The following UBE2D3 variants were observed in gnomAD, a reference collection of about 807,000 sequenced individuals.
UBE2D3 encodes the protein ubiquitin conjugating enzyme E2 D3, also known as ubiquitin-conjugating enzyme E2 D3.
UBE2D3 carries 2 observed loss-of-function variants against 22.8 expected under a neutral mutation model. The observed-to-expected ratio is 0.09, with a 90% CI of 0.04 to 0.28. UBE2D3 has a LOEUF of 0.28. Among genes scored for constraint, UBE2D3 ranks in the 10% least tolerant of loss-of-function variants. The probability of loss-of-function intolerance (pLI) is 1.00; values close to 1 mark genes in which losing one functional copy is unlikely to be tolerated. For missense variants in UBE2D3, 27 were observed against 182.5 expected (o/e 0.15, Z 4.91); for synonymous variants, 56 against 60.4 (o/e 0.93, Z 0.34).
intron 1 of UBE2D3, among the ~76,000 whole-genome samples, chr4:102,861,931 A>T (rs911042345): frequency 6.6e-6 from 1 of 151,862 alleles, no homozygotes; most frequent in African/African-American, 2.4e-5. Flanking sequence ...TTTATTATGG[A>T]TTGACTGACA....
At chr4:102,843,723 T>C (rs1328329226) in intron 1 of UBE2D3, 2 of 152,218 alleles carry the variant, frequency 1.3e-5, no homozygotes, top group Non-Finnish European at 2.9e-5. Flanking sequence ...CTAGCATGCA[T>C]ATGTCGTACC....
At chr4:102,821,060 C>T (rs192935902) in intron 2 of UBE2D3, among the ~76,000 whole-genome samples, 152 of 152,200 alleles carry the variant, frequency 1.0e-3, no homozygotes, top group African/African-American at 3.6e-3. Flanking sequence ...GGATACAATT[C>T]TGAATAAATC....
chr4:102,797,445 A>G lies in UBE2D3; in HGVS notation c.414T>C (p.Ser138=), dbSNP rs201579344. ...TGGCATACTTCTGAGTCCATTCCCG[A>G]GATATTCTGTTGTACCTGTAAATAA... ...KTDRDKYNRI[S]REWTQKYAM Residue 138 remains serine, a synonymous_variant, in exon 8 of 8, where the codon TCT becomes TCC. Transcript: ENST00000453744. The G allele has an allele frequency of 1.9e-6, 3 of 1,608,224 alleles. No individual in the cohort carries two copies. In the African/African-American group the frequency reaches 4.0e-5, roughly 22 times the overall value.
At chr4:102,805,124 C>T (rs567797409) in intron 4 of UBE2D3, among the ~76,000 whole-genome samples, 3 of 152,226 alleles carry the variant, frequency 2.0e-5, no homozygotes, top group South Asian at 2.1e-4. Context: ...AGCCAAATTT[C>T]GTTTCGTTTG....
At chr4:102,801,723 C>T in intron 5 of UBE2D3, 164 bp from the exon 6 acceptor site, 1 of 537,788 alleles carries the variant, frequency 1.9e-6, no homozygotes, top group Non-Finnish European at 3.2e-6. Context: ...CCCCCTGCCT[C>T]CTCTTTTTAC....
At chr4:102,799,162 A>G (rs543791610) in intron 7 of UBE2D3, among the ~76,000 whole-genome samples, 1 of 152,106 alleles carries the variant, frequency 6.6e-6, no homozygotes, top group Non-Finnish European at 1.5e-5. Flanking sequence ...GTTGAGAATA[A>G]AGTGATACTG....
rs1225933542 is a variant in UBE2D3 at position 102,795,968 on chromosome 4, A to C, written c.*1447T>G. Reference sequence around the variant, plus strand: ...TGGCACAGATAGCACTTGTCAAACAAAAAACAATCCAATAGCATTGACTTT... The same window carrying C: ...TGGCACAGATAGCACTTGTCAAACACAAAACAATCCAATAGCATTGACTTT... On this transcript the variant is annotated 3_prime_UTR_variant, in exon 8 of 8. Coordinates refer to ENST00000453744, the MANE Select transcript of UBE2D3 (RefSeq NM_181891.3). 1 of 152,528 alleles carries C rather than the reference A, an allele frequency of 6.6e-6. No individual in the cohort carries two copies. Among genetic ancestry groups the C allele is most frequent in the Non-Finnish European group, 1.5e-5 (1 of 67,936 alleles). 9.4% of individuals were successfully genotyped at this position (152,528 alleles called of 1,614,324 possible).
intron 2 of UBE2D3, chr4:102,810,982 C>G (rs185979845): frequency 6.6e-6 from 1 of 152,192 alleles, no homozygotes; most frequent in Admixed American, 6.5e-5. Context: ...CTAGGGACTA[C>G]TATATCTTCT....
At chr4:102,820,288 G>A (rs1160983449) in intron 2 of UBE2D3, among the ~76,000 whole-genome samples, 4 of 152,148 alleles carry the variant, frequency 2.6e-5, no homozygotes, top group African/African-American at 7.2e-5. Context: ...CGAATATCAA[G>A]GCAGGGAACA....
rs1181699061 is a variant in UBE2D3, at chr4:102,821,887, TAACA to T, written c.24+4594_24+4597del. Among the ~76,000 whole-genome samples, 9 of 152,340 alleles carry T rather than the reference TAACA, an allele frequency of 5.9e-5. No homozygotes were observed. The South Asian group carries it at 1.9e-3, about 32-fold the overall frequency. ...ATATTCAGTAAGCTCTTCTATACGCTAACAGATACAAGAAAACTGCTATTTAAAA... is the reference window on the plus strand; with the variant it reads ...ATATTCAGTAAGCTCTTCTATACGCTGATACAAGAAAACTGCTATTTAAAA... On this transcript the variant is annotated intron_variant, in intron 2 of 7. Transcript: ENST00000453744.
chr4:102,830,430 A>C (rs1426595429), upstream of UBE2D3, among the ~76,000 whole-genome samples: 1 of 152,242 alleles, frequency 6.6e-6, no homozygotes, highest in East Asian at 1.9e-4. Flanking sequence ...TAATAAAGGT[A>C]CAAAAATGTT....
At chr4:102,813,291 A>T (rs1035256667) in intron 2 of UBE2D3, among the ~76,000 whole-genome samples, 1 of 152,212 alleles carries the variant, frequency 6.6e-6, no homozygotes, top group Non-Finnish European at 1.5e-5. Context: ...GGCTCAAGGG[A>T]TCCTCTTGCC....
chr4:102,862,179 A>G (rs1015152855), intron 1 of UBE2D3, among the ~76,000 whole-genome samples: 2 of 151,920 alleles, frequency 1.3e-5, no homozygotes, highest in South Asian at 2.1e-4. Context: ...AGTTTGCTGG[A>G]CTTCCTCTTA....
intron 1 of UBE2D3, among the ~76,000 whole-genome samples, chr4:102,859,309 G>A (rs1399805455): frequency 6.6e-6 from 1 of 151,980 alleles, no homozygotes; most frequent in African/African-American, 2.4e-5. Context: ...TACATGACAA[G>A]TTGCTTTCCT....
intron 1 of UBE2D3, among the ~76,000 whole-genome samples, chr4:102,850,937 G>A (rs952840476): frequency 4.0e-5 from 6 of 151,470 alleles, no homozygotes; most frequent in East Asian, 2.0e-4. Context: ...TGTTGGGGGC[G>A]GGTGAGAGGG....
At chr4:102,854,506 A>C (rs753006245) in intron 1 of UBE2D3, among the ~76,000 whole-genome samples, 1 of 152,114 alleles carries the variant, frequency 6.6e-6, no homozygotes, top group Non-Finnish European at 1.5e-5. Context: ...ATATATGTTA[A>C]AGATTGTTTT....
At chr4:102,817,758 C>G (rs974035953) in intron 2 of UBE2D3, among the ~76,000 whole-genome samples, 1 of 152,086 alleles carries the variant, frequency 6.6e-6, no homozygotes, top group African/African-American at 2.4e-5. Flanking sequence ...AGTGTGAATC[C>G]AGTACTATTT....
intron 1 of UBE2D3, among the ~76,000 whole-genome samples, chr4:102,862,841 C>T (rs937314995): frequency 6.6e-6 from 1 of 152,016 alleles, no homozygotes; most frequent in African/African-American, 2.4e-5. Context: ...GAGGTTGGGT[C>T]ATTTATTTAA....
intron 1 of UBE2D3, among the ~76,000 whole-genome samples, chr4:102,861,376 CTGA>C (rs1350400820): frequency 6.6e-6 from 1 of 152,016 alleles, no homozygotes; most frequent in African/African-American, 2.4e-5. Context: ...CACCAACTTG[CTGA>C]TGTCAGTCAG....
Sources: gnomAD v4.1 joint callset for allele counts (sites outside exome capture counted in the v4.1 genomes callset) on GRCh38, gnomAD v4.1.1 for gene constraint, MANE v1.5 for transcripts, NCBI Gene and HGNC (gene_info 2026-07-23, HGNC 2026-07-21) for gene names.